TSHR: variants seen among roughly 807,000 people sequenced by gnomAD.
TSHR encodes the protein thyrotropin receptor.
Under a neutral mutation model 64.1 loss-of-function variants are expected in TSHR, and 51 were observed. That is an observed-to-expected ratio of 0.80 (90% CI 0.64 to 1.01). TSHR has a LOEUF of 1.01. Ranked by LOEUF, TSHR falls within the 50% of genes least tolerant of loss-of-function variation. The probability of loss-of-function intolerance (pLI) is 0.00; values close to 1 mark genes in which losing one functional copy is unlikely to be tolerated. For missense variants in TSHR, 877 were observed against 942.8 expected (o/e 0.93, Z 0.91); for synonymous variants, 361 against 361.9 (o/e 1.00, Z 0.03).
intron 3 of TSHR, among the ~76,000 whole-genome samples, chr14:81,084,646 CA>C (rs1888152117): frequency 1.3e-5 from 2 of 152,192 alleles, no homozygotes; most frequent in African/African-American, 4.8e-5. Flanking sequence ...TTGCTGGAGG[CA>C]CAGCCATCTT....
intron 1 of TSHR, chr14:81,033,244 C>A: frequency 2.1e-6 from 1 of 476,130 alleles, no homozygotes; most frequent in South Asian, 1.7e-5. Context: ...CCAGAGCATC[C>A]ACTACTTGGT....
chr14:81,013,276 G>A (rs181523967), intron 1 of TSHR: 1 of 152,114 alleles, frequency 6.6e-6, no homozygotes, highest in Non-Finnish European at 1.5e-5. Flanking sequence ...ATTTCTGAGG[G>A]CTCTGTTCTG....
intron 3 of TSHR, among the ~76,000 whole-genome samples, chr14:81,075,030 T>C (rs1208884203): frequency 6.6e-6 from 1 of 152,238 alleles, no homozygotes; most frequent in Non-Finnish European, 1.5e-5. Flanking sequence ...AAATTTGGCC[T>C]AAAGGCCTCT....
At chr14:81,028,912 T>C (rs1418214202) in intron 1 of TSHR, among the ~76,000 whole-genome samples, 1 of 151,884 alleles carries the variant, frequency 6.6e-6, no homozygotes, top group Non-Finnish European at 1.5e-5. Context: ...GATAAACCTT[T>C]GGTAAGGTTG....
At chr14:81,115,718 C>A (rs1890471439) in intron 8 of TSHR, among the ~76,000 whole-genome samples, 1 of 151,856 alleles carries the variant, frequency 6.6e-6, no homozygotes, top group Non-Finnish European at 1.5e-5. Context: ...AACTCCAAGA[C>A]ACATAATTGT....
intron 7 of TSHR, among the ~76,000 whole-genome samples, chr14:81,097,107 A>T (rs1298466788): frequency 1.3e-5 from 2 of 152,226 alleles, no homozygotes; most frequent in African/African-American, 4.8e-5. Context: ...ATAGCTAAAA[A>T]ATCATATCCA....
In TSHR at chr14:81,139,856, G is replaced by A. The variant is rs757787392; in HGVS notation, c.870G>A (p.Lys290=). ...PSHCCAFKNQ[K]KIRGILESLM... is the part of the protein sequence containing the mutation. ...ACTGCTGTGCTTTTAAGAATCAGAAGAAAATCAGAGGGTAAGTGGCAGGGA... is the reference window on the plus strand; with the variant it reads ...ACTGCTGTGCTTTTAAGAATCAGAAAAAAATCAGAGGGTAAGTGGCAGGGA... The change falls in exon 9 of 10, where the codon AAG becomes AAA. Residue 290 remains lysine, a synonymous_variant. Transcript: ENST00000298171. 1 of 1,614,202 alleles carries A rather than the reference G, an allele frequency of 6.2e-7. No individual in the cohort carries two copies. Among genetic ancestry groups the A allele is most frequent in the East Asian group, 2.2e-5 (1 of 44,886 alleles).
chr14:81,090,521 G>T (rs957310333), intron 4 of TSHR, among the ~76,000 whole-genome samples: 9 of 152,172 alleles, frequency 5.9e-5, no homozygotes, highest in Admixed American at 5.2e-4. Context: ...GATTATAGGC[G>T]TGAGCCCCTG....
intron 1 of TSHR, among the ~76,000 whole-genome samples, chr14:80,995,935 G>T (rs1458498508): frequency 7.9e-5 from 12 of 151,842 alleles, no homozygotes; most frequent in African/African-American, 2.7e-4. Context: ...GTAGTCAAAA[G>T]TTATGTGCAA....
At position 81,103,962 on chromosome 14, in the gene TSHR, G is replaced by A. The variant is rs149998138; in HGVS notation, c.615-4413G>A. On this transcript the variant is annotated intron_variant, in intron 7 of 9. Coordinates refer to ENST00000298171, the MANE Select transcript of TSHR (RefSeq NM_000369.5). The surrounding 1 kb of genome is among the most constrained non-coding windows in gnomAD (Gnocchi z 4.1). ...TGAACAGAGTCAACAGAATTAATGT[G>A]CTAATTAGCATCATGCATTAGCTGA... 104 of 985,408 alleles carry A rather than the reference G, an allele frequency of 1.1e-4. No homozygotes were observed. The East Asian group carries it at 9.9e-3, about 94-fold the overall frequency. 61.0% of individuals were successfully genotyped at this position (985,408 alleles called of 1,614,324 possible).
chr14:81,003,958 G>C (rs1240976030), intron 1 of TSHR, among the ~76,000 whole-genome samples: 4 of 152,152 alleles, frequency 2.6e-5, no homozygotes, highest in Non-Finnish European at 5.9e-5. Context: ...CTAAGGGCTT[G>C]TACTAACTAT....
chr14:81,112,125 G>C (rs1890249149), intron 8 of TSHR, among the ~76,000 whole-genome samples: 1 of 152,150 alleles, frequency 6.6e-6, no homozygotes, highest in South Asian at 2.1e-4. Context: ...AAGATGAGGA[G>C]TTATACCTGG....
In TSHR at chr14:81,029,448, C is replaced by T. The variant is rs1030194310; in HGVS notation, c.171-32700C>T. Among the ~76,000 whole-genome samples, 8 of 151,870 alleles carry T rather than the reference C, an allele frequency of 5.3e-5. No homozygotes were observed. In the East Asian group the frequency reaches 5.8e-4, roughly 11 times the overall value. ...AAAAGTGGGAGACATGGAAGGGGAG[C>T]GAAAAGAGAGCTGTCCTGATTTGGA... is the stretch of plus-strand genomic sequence containing the variant. On this transcript the variant is annotated intron_variant, in intron 1 of 9. Coordinates refer to ENST00000298171, the MANE Select transcript of TSHR (RefSeq NM_000369.5).
At chr14:81,095,100 C>T (rs1315591205) in intron 6 of TSHR, among the ~76,000 whole-genome samples, 1 of 152,140 alleles carries the variant, frequency 6.6e-6, no homozygotes. Flanking sequence ...GGTTCCCTTA[C>T]AACTGCCACT....
At chr14:81,104,180 G>A (rs775436539) in intron 7 of TSHR, 14 of 985,330 alleles carry the variant, frequency 1.4e-5, no homozygotes, top group Non-Finnish European at 1.7e-5. Flanking sequence ...ACAAACAGCT[G>A]TCCTGATTTC....
chr14:81,096,041 CAAA>C (rs397853041), intron 6 of TSHR, among the ~76,000 whole-genome samples: 10 of 68,364 alleles, frequency 1.5e-4, no homozygotes, highest in Non-Finnish European at 5.9e-5. Flanking sequence ...GACCCTGTCT[CAAA>C]AAAAAAAAAA....
At chr14:81,025,843 T>C (rs1884022302) in intron 1 of TSHR, among the ~76,000 whole-genome samples, 1 of 152,124 alleles carries the variant, frequency 6.6e-6, no homozygotes, top group South Asian at 2.1e-4. Context: ...ACTTCAACCA[T>C]AATATATATG....
intron 1 of TSHR, among the ~76,000 whole-genome samples, chr14:81,058,977 T>C (rs1886028198): frequency 6.6e-6 from 1 of 152,004 alleles, no homozygotes; most frequent in African/African-American, 2.4e-5. Flanking sequence ...TGACAAACAT[T>C]CTATAAATTA....
Position 81,143,297 on chromosome 14 carries a change from C to A in TSHR, c.1239C>A (p.Gly413=). 2 of 1,614,152 alleles carry A rather than the reference C, an allele frequency of 1.2e-6. No individual in the cohort carries two copies. Among genetic ancestry groups the A allele is most frequent in the Non-Finnish European group, 1.7e-6 (2 of 1,180,034 alleles). The change falls in exon 10 of 10, where the codon GGC becomes GGA. Residue 413 remains glycine (G), a synonymous_variant. Transcript: ENST00000298171. ...TCAACCCGTGTGAAGACATAATGGG[C>A]TACAAGTTCCTGAGAATTGTGGTGT... ...DEFNPCEDIM[G]YKFLRIVVWF...
Sources: allele counts gnomAD v4.1 joint callset (sites outside exome capture counted in the v4.1 genomes callset), GRCh38; gene constraint gnomAD v4.1.1; non-coding constraint Gnocchi (gnomAD v3.1); transcripts MANE v1.5; gene names NCBI Gene and HGNC (gene_info 2026-07-23, HGNC 2026-07-21).